The following PDE7B variants were observed in gnomAD, a reference collection of about 807,000 sequenced individuals.
PDE7B encodes the protein 3',5'-cyclic-AMP phosphodiesterase 7B.
In PDE7B, 29 loss-of-function variants were observed where a neutral mutation model predicts 56.2. The ratio of observed to expected loss-of-function variants is 0.52; its 90% confidence interval spans 0.38 to 0.70. The LOEUF is 0.70. PDE7B is among the 30% of genes least tolerant of loss of function. The pLI is 0.00. For missense variants in PDE7B, 490 were observed against 565.0 expected, an observed-to-expected ratio of 0.87 and a Z score of 1.35; for synonymous variants, 197 against 196.9, an observed-to-expected ratio of 1.00 and a Z score of 0.00.
At chr6:136,012,373 T>C (rs933405770) in intron 2 of PDE7B, among the ~76,000 whole-genome samples, 1 of 152,152 alleles carries the variant, frequency 6.6e-6, no homozygotes, top group Admixed American at 6.5e-5. Context: ...GAAATCAAGA[T>C]TCCTGCAAAA....
chr6:136,000,929 G>A (rs539740487), intron 2 of PDE7B, among the ~76,000 whole-genome samples: 4 of 152,304 alleles, frequency 2.6e-5, no homozygotes, highest in Admixed American at 6.5e-5. Context: ...CCCCTGAGCA[G>A]CCTAACTGGG....
At chr6:135,907,479 T>C (rs78928932) in intron 1 of PDE7B, among the ~76,000 whole-genome samples, 9,355 of 152,166 alleles carry the variant, frequency 0.061, 381 homozygotes, top group Non-Finnish European at 0.086. Context: ...TATTTGTTTA[T>C]ATTTTGTCTA....
chr6:136,104,236 A>G (rs1777609963), intron 2 of PDE7B, among the ~76,000 whole-genome samples: 1 of 152,176 alleles, frequency 6.6e-6, no homozygotes, highest in Admixed American at 6.5e-5. Context: ...TTCCTTTTGG[A>G]ACACAATAAG....
At chr6:136,142,087 C>T (rs913448169) in intron 3 of PDE7B, among the ~76,000 whole-genome samples, 1 of 152,124 alleles carries the variant, frequency 6.6e-6, no homozygotes, top group African/African-American at 2.4e-5. Flanking sequence ...CTCTTGTGGG[C>T]ATTTAGTGCT....
intron 2 of PDE7B, among the ~76,000 whole-genome samples, chr6:136,103,250 T>A (rs1192183049): frequency 6.6e-6 from 1 of 152,078 alleles, no homozygotes; most frequent in Non-Finnish European, 1.5e-5. Context: ...ACAGGGGAAA[T>A]TTGGGTCTAA....
At chr6:135,902,045 TAGAG>T (rs1334578399) in intron 1 of PDE7B, among the ~76,000 whole-genome samples, 3 of 152,168 alleles carry the variant, frequency 2.0e-5, no homozygotes, top group Non-Finnish European at 4.4e-5. Context: ...TCTTTTCAAA[TAGAG>T]AGGACATCCT....
intron 1 of PDE7B, among the ~76,000 whole-genome samples, chr6:135,862,158 A>T (rs1169277241): frequency 1.3e-5 from 2 of 151,934 alleles, no homozygotes; most frequent in East Asian, 3.9e-4. Context: ...TGGCAATATT[A>T]TCTTGTTTCC....
At chr6:136,084,077 A>G (rs548602766) in intron 2 of PDE7B, among the ~76,000 whole-genome samples, 2 of 152,118 alleles carry the variant, frequency 1.3e-5, no homozygotes, top group African/African-American at 4.8e-5. Flanking sequence ...TCCTCTTTCA[A>G]CTAACTACCA....
In PDE7B at chr6:136,037,801, C is replaced by T. The variant is rs1376745594; in HGVS notation, c.83-70930C>T. On this transcript the variant is annotated intron_variant, in intron 2 of 12. Transcript: ENST00000308191. ...AAGCCGACAAAGAGCTAAGAGTCAA[C>T]AAACTTTGACAAGCACCAAAAGAGA... 3.0e-6 allele frequency: 3 copies of T among 985,308 alleles called. No individual in the cohort carries two copies. In the East Asian group the frequency reaches 3.4e-4, roughly 112 times the overall value. The allele number at this position is 985,308 out of a possible 1,614,324, so 61.0% of individuals were successfully genotyped here. A position where few individuals can be genotyped will look rare whatever the true frequency, so the allele number is the denominator to read the frequency against.
chr6:135,929,235 T>G (rs936594858), intron 1 of PDE7B, among the ~76,000 whole-genome samples: 5 of 152,126 alleles, frequency 3.3e-5, no homozygotes, highest in African/African-American at 1.2e-4. Flanking sequence ...AATTTCAGAG[T>G]CTTGTTACAT....
intron 1 of PDE7B, among the ~76,000 whole-genome samples, chr6:135,894,393 A>G (rs1408816534): frequency 1.3e-5 from 2 of 152,214 alleles, no homozygotes; most frequent in East Asian, 1.9e-4. Flanking sequence ...GTGAATTCAA[A>G]TAAGGAGAAT....
intron 2 of PDE7B, among the ~76,000 whole-genome samples, chr6:135,983,491 G>A (rs1031769781): frequency 5.9e-5 from 9 of 152,142 alleles, no homozygotes; most frequent in South Asian, 2.1e-4. Context: ...GGGCAGTATC[G>A]AGTACTTGAA....
At chr6:136,061,463 G>T (rs774092875) in intron 2 of PDE7B, among the ~76,000 whole-genome samples, 27 of 152,192 alleles carry the variant, frequency 1.8e-4, no homozygotes, top group Non-Finnish European at 3.5e-4. Context: ...GACAAGTCTG[G>T]ATCAGGAATT....
At chr6:136,147,901 T>C (rs1778443116) in intron 4 of PDE7B, among the ~76,000 whole-genome samples, 1 of 152,346 alleles carries the variant, frequency 6.6e-6, no homozygotes, top group East Asian at 1.9e-4. Context: ...ACCCAATCAC[T>C]ATCAACTCTT....
intron 2 of PDE7B, among the ~76,000 whole-genome samples, chr6:136,016,148 G>A (rs531046554): frequency 1.2e-4 from 18 of 152,200 alleles, no homozygotes; most frequent in Middle Eastern, 3.4e-3. Context: ...CCTCTAATAC[G>A]TAGGAAAGTA....
At chr6:135,906,829 T>TTTTTTTTTTTTTTTTTTTG (rs1562434158) in intron 1 of PDE7B, among the ~76,000 whole-genome samples, 2 of 142,692 alleles carry the variant, frequency 1.4e-5, no homozygotes, top group African/African-American at 5.7e-5. Flanking sequence ...TTTTTTTTTT[T>TTTTTTTTTTTTTTTTTTTG]TTTTTTTAAT....
intron 2 of PDE7B, among the ~76,000 whole-genome samples, chr6:135,975,538 G>A (rs1373626107): frequency 6.6e-6 from 1 of 152,146 alleles, no homozygotes; most frequent in Admixed American, 6.5e-5. Context: ...GATCATCATA[G>A]ACAAGAATGT....
At chr6:135,994,776 C>T (rs569253307) in intron 2 of PDE7B, among the ~76,000 whole-genome samples, 6 of 152,070 alleles carry the variant, frequency 3.9e-5, no homozygotes, top group South Asian at 4.2e-4. Context: ...ACTACAAATA[C>T]GTATTAAACA....
At chr6:135,924,404 A>G (rs1410056800) in intron 1 of PDE7B, among the ~76,000 whole-genome samples, 4 of 152,058 alleles carry the variant, frequency 2.6e-5, no homozygotes, top group South Asian at 2.1e-4. Context: ...AGCTTCCTCA[A>G]TTTCCCCAGA....
Sources: allele counts gnomAD v4.1 joint callset (sites outside exome capture counted in the v4.1 genomes callset), GRCh38; gene constraint gnomAD v4.1.1; transcripts MANE v1.5; gene names NCBI Gene and HGNC (gene_info 2026-07-23, HGNC 2026-07-21).